The following HERC2 variants were observed in gnomAD, a reference collection of about 807,000 sequenced individuals.
HERC2 encodes the protein HECT and RLD domain containing E3 ubiquitin protein ligase 2.
In HERC2, 102 loss-of-function variants were observed where a neutral mutation model predicts 537.7. The observed-to-expected ratio is 0.19, with a 90% CI of 0.16 to 0.22. The LOEUF is 0.22. Ranked by LOEUF, HERC2 falls within the 10% of genes least tolerant of loss-of-function variation. HERC2 has a pLI of 1.00. For synonymous variants in HERC2, 2,224 were observed against 2,466.2 expected (o/e 0.90, Z 2.91); for missense variants, 4,236 against 6,198.2 (o/e 0.68, Z 10.63).
At chr15:28,289,940 A>AAGTGAGAGGACCACACACCTC (rs2076268045) in intron 4 of HERC2, among the ~76,000 whole-genome samples, 1 of 151,766 alleles carries the variant, frequency 6.6e-6, no homozygotes, top group Non-Finnish European at 1.5e-5. Flanking sequence ...TTACACACCT[A>AAGTGAGAGGACCACACACCTC]AGTGAGAGGA....
At chr15:28,141,408 G>A in intron 78 of HERC2, 24 bp downstream of exon 78, 1 of 1,609,530 alleles carries the variant, frequency 6.2e-7, no homozygotes, top group Middle Eastern at 1.7e-4. Context: ...CAATGACCTT[G>A]TGACATAGAA....
At chr15:28,187,434 C>T (rs536328299) in intron 55 of HERC2, among the ~76,000 whole-genome samples, 5 of 151,854 alleles carry the variant, frequency 3.3e-5, no homozygotes, top group South Asian at 4.2e-4. Context: ...CGGGTTCAAG[C>T]GATTCTCCAA....
intron 68 of HERC2, among the ~76,000 whole-genome samples, chr15:28,167,243 A>T (rs1245937278): frequency 6.6e-6 from 1 of 152,212 alleles, no homozygotes; most frequent in Non-Finnish European, 1.5e-5. Context: ...CTCACCAATG[A>T]TGCAGCAAAT....
Position 28,124,318 on chromosome 15 carries a change from C to A in HERC2, c.12991-84G>T. 1.1e-6 allele frequency: 1 copy of A among 917,040 alleles called. No homozygotes were observed. The allele number at this position is 917,040 out of a possible 1,614,324, so 56.8% of individuals were successfully genotyped here. Reference sequence around the variant, plus strand: ...TGGCATCCATTAAGGATTCTGAAAACAATTGTTTCAAATACAGAGAAGCAC... The same window carrying A: ...TGGCATCCATTAAGGATTCTGAAAAAAATTGTTTCAAATACAGAGAAGCAC... On this transcript the variant is annotated intron_variant, in intron 84 of 92. Coordinates refer to ENST00000261609, the MANE Select transcript of HERC2 (RefSeq NM_004667.6).
At chr15:28,279,675 T>C (rs1379543110) in intron 5 of HERC2, among the ~76,000 whole-genome samples, 1 of 150,646 alleles carries the variant, frequency 6.6e-6, no homozygotes, top group East Asian at 1.9e-4. Context: ...TAGCCAGGCA[T>C]GGTGGCATGT....
At position 28,257,202 on chromosome 15, in the gene HERC2, C is replaced by T; in HGVS notation, c.2376G>A (p.Val792=). The change falls in exon 17 of 93, where the codon GTG becomes GTA. Residue 792 remains valine (V), a synonymous_variant. Coordinates refer to ENST00000261609, the MANE Select transcript of HERC2 (RefSeq NM_004667.6). ...WSIGLRVPFV[V]DICSMTFEQL... Reference sequence around the variant, plus strand: ...GCTCAAAAGTCATTGAGCAGATGTCCACCACAAAAGGGACACGGAGGCCAA... The same window carrying T: ...GCTCAAAAGTCATTGAGCAGATGTCTACCACAAAAGGGACACGGAGGCCAA... 2.5e-6 allele frequency: 4 copies of T among 1,613,962 alleles called. No individual in the cohort carries two copies. The highest frequency in any genetic ancestry group is 3.4e-6 in the Non-Finnish European group (4 of 1,179,856).
chr15:28,310,596 G>A (rs1635163), intron 2 of HERC2, among the ~76,000 whole-genome samples: 147,174 of 152,278 alleles, frequency 0.97, 71,177 homozygotes, highest in Non-Finnish European at 0.99. Flanking sequence ...CAGTGAATAC[G>A]TGCACTGGGG....
intron 70 of HERC2, among the ~76,000 whole-genome samples, chr15:28,149,310 T>C (rs1892132729): frequency 6.9e-6 from 1 of 144,324 alleles, no homozygotes; most frequent in African/African-American, 2.6e-5. Context: ...CCTGAGAACA[T>C]CACCGAAAAT....
intron 56 of HERC2, among the ~76,000 whole-genome samples, chr15:28,185,933 A>T (rs1896266037): frequency 6.6e-6 from 1 of 152,224 alleles, no homozygotes. Context: ...CATTCAAAAG[A>T]TGTTGAATGA....
chr15:28,163,169 C>A lies in HERC2; in HGVS notation c.10671G>T (p.Val3557=). The change falls in exon 69 of 93, where the codon GTG becomes GTT. Residue 3557 remains valine, a synonymous_variant. Transcript: ENST00000261609. The part of the protein sequence containing the change: ...RVVVDLLKLS[V]CSRAGDRGRD... ...TGCCCCTGTCCCCGGCCCGGCTGCA[C>A]ACTGACAGCTTGAGCAGGTCTACCA... 1.9e-6 allele frequency: 3 copies of A among 1,613,648 alleles called. No individual in the cohort carries two copies.
intron 2 of HERC2, among the ~76,000 whole-genome samples, chr15:28,304,818 T>A (rs2076737700): frequency 7.4e-6 from 1 of 135,894 alleles, no homozygotes; most frequent in East Asian, 2.0e-4. Flanking sequence ...CACTAACTCG[T>A]CATCTAGCAT....
At chr15:28,266,345 G>A (rs564326472) in intron 12 of HERC2, among the ~76,000 whole-genome samples, 8 of 152,148 alleles carry the variant, frequency 5.3e-5, no homozygotes, top group South Asian at 2.1e-4. Context: ...GTGAAATCCC[G>A]TCTCTACTAA....
chr15:28,206,997 G>A (rs955884207), intron 44 of HERC2, among the ~76,000 whole-genome samples: 17 of 150,702 alleles, frequency 1.1e-4, no homozygotes, highest in Middle Eastern at 3.2e-3. Flanking sequence ...GTGACAGAGC[G>A]AGACTCCATC....
At chr15:28,285,381 A>G (rs2076129355) in intron 4 of HERC2, among the ~76,000 whole-genome samples, 1 of 152,222 alleles carries the variant, frequency 6.6e-6, no homozygotes, top group Non-Finnish European at 1.5e-5. Flanking sequence ...AGAAGTCAAC[A>G]AGAGAACAAT....
intron 71 of HERC2, among the ~76,000 whole-genome samples, chr15:28,145,386 A>G (rs1335650110): frequency 6.6e-6 from 1 of 152,208 alleles, no homozygotes; most frequent in Non-Finnish European, 1.5e-5. Context: ...TTTCTGCTTC[A>G]GAAGGACCAT....
rs777444274 is a variant in HERC2 at position 28,272,401 on chromosome 15, A to G, written c.912-15T>C. ...ACAACATTTGGCTAAAGGAGAAAAG[A>G]TATTTATTCTAGTAAAAACAGATTA... On this transcript the variant is annotated splice_polypyrimidine_tract_variant and intron_variant, in intron 8 of 92. Coordinates refer to ENST00000261609, the MANE Select transcript of HERC2 (RefSeq NM_004667.6). The G allele has an allele frequency of 1.2e-6, 2 of 1,604,616 alleles. No individual in the cohort carries two copies. The highest frequency in any genetic ancestry group is 1.7e-6 in the Non-Finnish European group (2 of 1,174,572).
chr15:28,119,344 G>A (rs1888624233), intron 86 of HERC2, among the ~76,000 whole-genome samples: 1 of 148,298 alleles, frequency 6.7e-6, no homozygotes, highest in South Asian at 2.2e-4. Flanking sequence ...AGGTTGCAGT[G>A]AGCCAAGATT....
Position 28,268,683 on chromosome 15 carries a change from C to A in HERC2, c.1447-67G>T. 1 of 1,349,096 alleles carries A rather than the reference C, an allele frequency of 7.4e-7. No homozygotes were observed. The highest frequency in any genetic ancestry group is 1.0e-6 in the Non-Finnish European group (1 of 967,996). 83.6% of individuals were successfully genotyped at this position (1,349,096 alleles called of 1,614,324 possible). Reference sequence around the variant, plus strand: ...AGGAAAATGAAACCAGCTCAGCTCTCCGTTATCATGTATCCCCAAGCAAAG... The same window carrying A: ...AGGAAAATGAAACCAGCTCAGCTCTACGTTATCATGTATCCCCAAGCAAAG... On this transcript the variant is annotated intron_variant, in intron 11 of 92. Transcript: ENST00000261609. This position sits in a 1 kb window ranked among gnomAD's most constrained non-coding sequence, Gnocchi z 4.7.
At chr15:28,185,053 T>C (rs1896172990) in intron 56 of HERC2, among the ~76,000 whole-genome samples, 1 of 149,664 alleles carries the variant, frequency 6.7e-6, no homozygotes, top group Non-Finnish European at 1.5e-5. Flanking sequence ...TGCAATCAGT[T>C]TGAACTACAG....
Sources: allele counts gnomAD v4.1 joint callset (sites outside exome capture counted in the v4.1 genomes callset), GRCh38; gene constraint gnomAD v4.1.1; non-coding constraint Gnocchi (gnomAD v3.1); transcripts MANE v1.5; gene names NCBI Gene and HGNC (gene_info 2026-07-23, HGNC 2026-07-21).